Variants in TDRD3 observed in about 807,000 individuals in gnomAD.
TDRD3 encodes tudor domain-containing protein 3.
A neutral mutation model predicts 86.7 loss-of-function variants in TDRD3; 45 were observed. The observed-to-expected ratio is 0.52, with a 90% CI of 0.41 to 0.67. The LOEUF (loss-of-function observed/expected upper bound fraction) is 0.67, where lower values mean the gene tolerates loss of function less well. Among genes scored for constraint, TDRD3 ranks in the 30% least tolerant of loss-of-function variants. TDRD3 has a pLI of 0.00. For synonymous variants in TDRD3, 298 were observed against 301.7 expected, an observed-to-expected ratio of 0.99 and a Z score of 0.13; for missense variants, 814 against 889.0, an observed-to-expected ratio of 0.92 and a Z score of 1.07.
chr13:60,399,711 A>G (rs898126586), intron 1 of TDRD3, among the ~76,000 whole-genome samples: 1 of 152,224 alleles, frequency 6.6e-6, no homozygotes, highest in African/African-American at 2.4e-5. Flanking sequence ...ATTCAAATCT[A>G]TGTACTTAGT....
In TDRD3 at chr13:60,399,866, G is replaced by A. The variant is rs549576647; in HGVS notation, c.41+2461G>A. 2.0e-5 allele frequency among the ~76,000 whole-genome samples: 3 copies of A among 152,230 alleles called. No homozygotes were observed. In the South Asian group the frequency reaches 6.2e-4, roughly 32 times the overall value. Reference sequence around the variant, plus strand: ...AATTCTGAAAATGTGATCTTCAGGGGGGTACAGAAGATCTATGTAGACCAA... The same window carrying A: ...AATTCTGAAAATGTGATCTTCAGGGAGGTACAGAAGATCTATGTAGACCAA... On this transcript the variant is annotated intron_variant, in intron 1 of 13. Transcript: ENST00000377881.
chr13:60,408,959 G>A (rs1053446873), intron 1 of TDRD3, among the ~76,000 whole-genome samples: 11 of 152,308 alleles, frequency 7.2e-5, no homozygotes, highest in Middle Eastern at 3.4e-3. Flanking sequence ...GGTCCAGGAG[G>A]AAAAAGTGGC....
intron 12 of TDRD3, among the ~76,000 whole-genome samples, chr13:60,552,286 C>T (rs549869975): frequency 3.4e-3 from 523 of 152,348 alleles, no homozygotes; most frequent in Non-Finnish European, 5.9e-3. Context: ...TCAGCCAAAA[C>T]AAAGGGGCCA....
chr13:60,494,294 G>A (rs1956665201), intron 7 of TDRD3, 141 bp from the exon 8 acceptor site: 1 of 914,728 alleles, frequency 1.1e-6, no homozygotes, highest in Non-Finnish European at 1.5e-6. Context: ...TTCAAAAGGA[G>A]TAAGTTAATA....
chr13:60,465,014 A>G (rs867172679), intron 4 of TDRD3, among the ~76,000 whole-genome samples: 3 of 152,366 alleles, frequency 2.0e-5, no homozygotes, highest in Middle Eastern at 6.8e-3. Context: ...TGATTTGATC[A>G]TTACACATTG....
chr13:60,431,116 A>G (rs780003130), intron 1 of TDRD3, among the ~76,000 whole-genome samples: 1 of 151,990 alleles, frequency 6.6e-6, no homozygotes, highest in South Asian at 2.1e-4. Context: ...TTTTTTTTAA[A>G]CCCTGAGTGA....
intron 7 of TDRD3, among the ~76,000 whole-genome samples, chr13:60,493,512 A>AT (rs1324744955): frequency 1.3e-5 from 2 of 152,000 alleles, no homozygotes; most frequent in African/African-American, 2.4e-5. Context: ...AAATACAAAA[A>AT]TTAGCCGGGT....
chr13:60,519,029 TTTAAA>T (rs1026556499), intron 10 of TDRD3, among the ~76,000 whole-genome samples: 1 of 152,210 alleles, frequency 6.6e-6, no homozygotes, highest in Admixed American at 6.5e-5. Flanking sequence ...TCTACATTGT[TTTAAA>T]TTAACTTAAT....
chr13:60,441,282 G>GT (rs1055047252), intron 2 of TDRD3, among the ~76,000 whole-genome samples: 20 of 150,946 alleles, frequency 1.3e-4, no homozygotes, highest in South Asian at 6.3e-4. Flanking sequence ...ATTTGCTGGG[G>GT]TTTTTTTTTA....
rs533792281 is a variant in TDRD3 at position 60,412,269 on chromosome 13, T to C, written c.41+14864T>C. Among the ~76,000 whole-genome samples, 26 of 152,338 alleles carry C rather than the reference T, an allele frequency of 1.7e-4. No individual in the cohort carries two copies. In the South Asian group the frequency reaches 5.0e-3, roughly 29 times the overall value. On this transcript the variant is annotated intron_variant, in intron 1 of 13. Coordinates refer to ENST00000377881, the MANE Select transcript of TDRD3 (RefSeq NM_001146070.2). ...CATATTTGAATTTTTCATTCAGTGA[T>C]ATTGTTCAGCTTACGGTAAATTTGA... is the stretch of plus-strand genomic sequence containing the variant.
chr13:60,396,464 C>T (rs1267796829), upstream of TDRD3: 3 of 152,290 alleles, frequency 2.0e-5, no homozygotes, highest in African/African-American at 7.2e-5. Context: ...GGGACCCACC[C>T]TGCGCCCCAG....
intron 12 of TDRD3, among the ~76,000 whole-genome samples, chr13:60,545,927 A>G (rs1957930900): frequency 6.6e-6 from 1 of 151,140 alleles, no homozygotes; most frequent in Non-Finnish European, 1.5e-5. Flanking sequence ...CCTCCTCCTC[A>G]TTCTCCTCCT....
Position 60,464,345 on chromosome 13 carries a change from G to A in TDRD3, c.354-2893G>A, listed in dbSNP as rs946660217. ...CAACCACCATGGAAAACGGTATGGC[G>A]GTTCCTAAGGAAACTAAAAATAGAA... On this transcript the variant is annotated intron_variant, in intron 4 of 13. Transcript: ENST00000377881. 4.6e-5 allele frequency among the ~76,000 whole-genome samples: 7 copies of A among 152,028 alleles called. No homozygotes were observed. In the South Asian group the frequency reaches 1.0e-3, roughly 23 times the overall value.
At chr13:60,498,615 A>C (rs1956766619) in intron 8 of TDRD3, among the ~76,000 whole-genome samples, 1 of 152,136 alleles carries the variant, frequency 6.6e-6, no homozygotes, top group Non-Finnish European at 1.5e-5. Context: ...GTGGCCCCTC[A>C]ATCAATTTTC....
At chr13:60,536,125 A>G (rs1383913096) in intron 12 of TDRD3, 1 of 152,102 alleles carries the variant, frequency 6.6e-6, no homozygotes, top group Non-Finnish European at 1.5e-5. Context: ...TTGGTCTTCT[A>G]AAATTTTTCT....
intron 2 of TDRD3, among the ~76,000 whole-genome samples, chr13:60,443,766 T>C (rs1955336937): frequency 6.6e-6 from 1 of 151,950 alleles, no homozygotes; most frequent in Non-Finnish European, 1.5e-5. Context: ...TAACTTGTTC[T>C]TAAGGTGATG....
At chr13:60,420,052 A>G (rs1489444802) in intron 1 of TDRD3, among the ~76,000 whole-genome samples, 2 of 152,088 alleles carry the variant, frequency 1.3e-5, no homozygotes, top group Non-Finnish European at 2.9e-5. Flanking sequence ...AATGATAGAT[A>G]TACTAGATTA....
At chr13:60,540,434 C>T (rs1018284359) in intron 12 of TDRD3, among the ~76,000 whole-genome samples, 3 of 152,158 alleles carry the variant, frequency 2.0e-5, no homozygotes, top group East Asian at 3.9e-4. Flanking sequence ...TGGGAGGTTG[C>T]GGATTATACA....
At chr13:60,470,730 G>A (rs1228539209) in intron 5 of TDRD3, among the ~76,000 whole-genome samples, 1 of 151,556 alleles carries the variant, frequency 6.6e-6, no homozygotes, top group Non-Finnish European at 1.5e-5. Context: ...TTACAGGTGT[G>A]CACCACCATG....
Sources: gnomAD v4.1 joint callset for allele counts (sites outside exome capture counted in the v4.1 genomes callset) on GRCh38, gnomAD v4.1.1 for gene constraint, MANE v1.5 for transcripts, NCBI Gene and HGNC (gene_info 2026-07-23, HGNC 2026-07-21) for gene names.